The following ZIM2 variants were observed in gnomAD, a reference collection of about 807,000 sequenced individuals.
ZIM2 encodes zinc finger protein 656.
ZIM2 carries 14 observed loss-of-function variants against 38.6 expected under a neutral mutation model. The ratio of observed to expected loss-of-function variants is 0.36; its 90% CI spans 0.24 to 0.57. The LOEUF is 0.57. Ranked by LOEUF, ZIM2 falls within the 20% of genes least tolerant of loss-of-function variation. The probability of loss-of-function intolerance (pLI) is 0.81; values close to 1 mark genes in which losing one functional copy is unlikely to be tolerated. For missense variants in ZIM2, 680 were observed against 695.1 expected (o/e 0.98, Z 0.24); for synonymous variants, 247 against 245.8 (o/e 1.00, Z -0.04).
chr19:56,811,099 A>AT (rs1308359181), intron 9 of ZIM2: 14 of 983,346 alleles, frequency 1.4e-5, no homozygotes, highest in Non-Finnish European at 1.7e-5. Flanking sequence ...TGGGGATATG[A>AT]TTTTTTTTCC....
At chr19:56,812,079 T>G (rs1051626953) in intron 9 of ZIM2, 1 of 971,242 alleles carries the variant, frequency 1.0e-6, no homozygotes, top group African/African-American at 1.9e-5. Flanking sequence ...TTAATTTTGC[T>G]TGTTCAAATG....
intron 9 of ZIM2, chr19:56,812,643 G>A (rs559585722): frequency 1.0e-6 from 1 of 985,716 alleles, no homozygotes; most frequent in South Asian, 4.7e-5. Context: ...AAGGTTATTA[G>A]CCTGCAACAT....
rs749864020 is a variant in ZIM2, at chr19:56,823,541, G to A, written c.106+49C>T. ...CAACCCACTGTGTCTCCATCTGGAA[G>A]CATCTGGCAGCGCCTGCCCATGGGT... On this transcript the variant is annotated intron_variant, in intron 5 of 12. Transcript: ENST00000629319. 2.5e-6 allele frequency: 4 copies of A among 1,610,102 alleles called. No homozygotes were observed. The South Asian group carries it at 4.4e-5, about 18-fold the overall frequency.
Position 56,823,694 on chromosome 19 carries a change from G to A in ZIM2, c.17-15C>T. On this transcript the variant is annotated splice_polypyrimidine_tract_variant and intron_variant, in intron 4 of 12. Coordinates refer to ENST00000629319, the MANE Select transcript of ZIM2 (RefSeq NM_001387356.1). ...GTTGTTGTCGTCTAAGAGGACACCG[G>A]TCGCCAAGTTACTATCTCTGGCCCA... 6.2e-7 allele frequency: 1 copy of A among 1,614,012 alleles called. No homozygotes were observed. The highest frequency in any genetic ancestry group is 8.5e-7 in the Non-Finnish European group (1 of 1,179,908).
At chr19:56,812,248 A>G in intron 9 of ZIM2, 1 of 976,318 alleles carries the variant, frequency 1.0e-6, no homozygotes, top group Non-Finnish European at 1.2e-6. Flanking sequence ...AGGACACAAG[A>G]AACCTCAAGC....
rs769399058 is a variant in ZIM2, at chr19:56,824,383, A to C, written c.-106T>G. On this transcript the variant is annotated 5_prime_UTR_variant, in exon 4 of 13. Transcript: ENST00000629319. ...CAGGGATGATGGTCAGGTACTGCTC[A>C]AGGACCAAGAGCTCGATGATCTCCT... The C allele has an allele frequency of 6.2e-7, 1 of 1,614,094 alleles. No individual in the cohort carries two copies. The highest frequency in any genetic ancestry group is 1.1e-5 in the South Asian group (1 of 91,066).
In ZIM2 at chr19:56,823,696, C is replaced by A; in HGVS notation, c.17-17G>T. The A allele has an allele frequency of 6.2e-7, 1 of 1,613,998 alleles. No homozygotes were observed. The highest frequency in any genetic ancestry group is 8.5e-7 in the Non-Finnish European group (1 of 1,179,892). ...TGTTGTCGTCTAAGAGGACACCGGT[C>A]GCCAAGTTACTATCTCTGGCCCACA... is the stretch of plus-strand genomic sequence containing the variant. On this transcript the variant is annotated splice_polypyrimidine_tract_variant and intron_variant, in intron 4 of 12. Coordinates refer to ENST00000629319, the MANE Select transcript of ZIM2 (RefSeq NM_001387356.1).
At chr19:56,828,727 A>C (rs1274825970) in intron 2 of ZIM2, among the ~76,000 whole-genome samples, 1 of 152,252 alleles carries the variant, frequency 6.6e-6, no homozygotes, top group Non-Finnish European at 1.5e-5. Flanking sequence ...AAATAGCCCA[A>C]TATGAAAATA....
rs1303047496 is a variant in ZIM2 at position 56,774,995 on chromosome 19, T to G, written c.1370A>C (p.His457Pro). ...ATGGGCTTTGAGATGTTGAAGAAGA[T>G]GCACATTCTGGAGAAAAGCTTTGCC... is the stretch of plus-strand genomic sequence containing the variant. ...QCGKAFLQNVHLLQHLKAHEA... is the reference protein window; with the variant it reads ...QCGKAFLQNVPLLQHLKAHEA... Residue 457 changes from histidine (H) to proline (P), a missense_variant, in exon 13 of 13, where the codon CAT (histidine) becomes CCT (proline). Physicochemically the swap from His to Pro is moderately conservative, Grantham distance 77 (BLOSUM62 -2). Transcript: ENST00000629319. 6.8e-6 allele frequency: 11 copies of G among 1,614,184 alleles called. No homozygotes were observed. The highest frequency in any genetic ancestry group is 9.3e-6 in the Non-Finnish European group (11 of 1,180,040).
At chr19:56,836,464 G>A (rs2062112785) in intron 1 of ZIM2, among the ~76,000 whole-genome samples, 1 of 152,070 alleles carries the variant, frequency 6.6e-6, no homozygotes, top group Non-Finnish European at 1.5e-5. Flanking sequence ...GTTATTATTA[G>A]GTAATAGTAC....
chr19:56,813,517 C>T (rs1231763449), intron 9 of ZIM2: 6 of 1,433,310 alleles, frequency 4.2e-6, no homozygotes, highest in South Asian at 3.1e-5. Context: ...TCTGCACATT[C>T]GGTCTCTTTT....
intron 5 of ZIM2, among the ~76,000 whole-genome samples, chr19:56,823,300 C>T (rs779181540): frequency 7.9e-5 from 12 of 152,202 alleles, no homozygotes; most frequent in Admixed American, 2.0e-4. Context: ...CTTTAATGAA[C>T]CTTCCTGAGG....
intron 2 of ZIM2, among the ~76,000 whole-genome samples, chr19:56,829,366 G>T (rs983589293): frequency 6.7e-6 from 1 of 148,186 alleles, no homozygotes; most frequent in African/African-American, 2.5e-5. Flanking sequence ...AAAAAAGTCA[G>T]CTGCACACTA....
chr19:56,795,576 G>A (rs1285365143), intron 9 of ZIM2, among the ~76,000 whole-genome samples: 1 of 152,246 alleles, frequency 6.6e-6, no homozygotes, highest in African/African-American at 2.4e-5. Flanking sequence ...GACGGGCTGA[G>A]GAACCACAGC....
intron 2 of ZIM2, among the ~76,000 whole-genome samples, chr19:56,832,105 AAT>A (rs2061624418): frequency 6.6e-6 from 1 of 152,380 alleles, no homozygotes; most frequent in South Asian, 2.1e-4. Context: ...AATGATTAAT[AAT>A]AACAAGTCTC....
chr19:56,839,332 C>T (rs1047832939), intron 1 of ZIM2, among the ~76,000 whole-genome samples: 1 of 151,882 alleles, frequency 6.6e-6, no homozygotes, highest in Non-Finnish European at 1.5e-5. Context: ...GTCACTTCAG[C>T]CTTGCCCCGC....
intron 2 of ZIM2, among the ~76,000 whole-genome samples, chr19:56,833,929 C>A (rs1428507539): frequency 6.6e-6 from 1 of 152,178 alleles, no homozygotes; most frequent in Non-Finnish European, 1.5e-5. Flanking sequence ...TTATTTCTAC[C>A]ACATTAAGCT....
chr19:56,822,489 A>G, intron 6 of ZIM2: 1 of 364,376 alleles, frequency 2.7e-6, no homozygotes, highest in Non-Finnish European at 4.6e-6. Context: ...TCATACAGAA[A>G]CTTCCAGTTT....
chr19:56,789,992 TG>T, intron 9 of ZIM2, 41 bp from the exon 10 acceptor site: 1 of 1,461,212 alleles, frequency 6.8e-7, no homozygotes, highest in Non-Finnish European at 9.2e-7. Context: ...GAGTCCTGTC[TG>T]GTAGCACTGA....
Sources: allele counts gnomAD v4.1 joint callset (sites outside exome capture counted in the v4.1 genomes callset), GRCh38; gene constraint gnomAD v4.1.1; transcripts MANE v1.5; gene names NCBI Gene and HGNC (gene_info 2026-07-23, HGNC 2026-07-21).